Variants in TINAG observed in about 807,000 individuals in gnomAD.
TINAG encodes tubulointerstitial nephritis antigen.
In TINAG, 83 loss-of-function variants were observed where a neutral mutation model predicts 72.7. The ratio of observed to expected loss-of-function variants is 1.14; its 90% CI spans 0.96 to 1.37. The LOEUF (loss-of-function observed/expected upper bound fraction) is 1.37. TINAG is among the 40% of genes most tolerant of loss of function. TINAG has a pLI of 0.00. For synonymous variants in TINAG, 234 were observed against 189.9 expected (o/e 1.23, Z -1.91); for missense variants, 685 against 576.6 (o/e 1.19, Z -1.93).
At chr6:54,321,802 A>C (rs1312149804) in intron 3 of TINAG, among the ~76,000 whole-genome samples, 1 of 152,238 alleles carries the variant, frequency 6.6e-6, no homozygotes, top group Non-Finnish European at 1.5e-5. Context: ...TGATATTCAA[A>C]TAACAAGCCA....
chr6:54,333,223 G>T (rs1022986665), intron 4 of TINAG, among the ~76,000 whole-genome samples: 3 of 152,108 alleles, frequency 2.0e-5, no homozygotes, highest in East Asian at 1.9e-4. Context: ...CAACCCAAAT[G>T]CCCATCAATA....
intron 9 of TINAG, among the ~76,000 whole-genome samples, chr6:54,364,923 T>C (rs942411280): frequency 2.4e-4 from 36 of 151,648 alleles, no homozygotes; most frequent in African/African-American, 8.2e-4. Context: ...TCCAAGATCA[T>C]AAATTATTAT....
intron 9 of TINAG, among the ~76,000 whole-genome samples, chr6:54,362,856 C>T (rs146416586): frequency 2.0e-5 from 3 of 151,156 alleles, no homozygotes; most frequent in African/African-American, 4.9e-5. Context: ...GGGTGGATTT[C>T]GAGACTTTAG....
chr6:54,309,055 T>G (rs1271248906), intron 1 of TINAG, 150 bp downstream of exon 1: 5 of 873,282 alleles, frequency 5.7e-6, no homozygotes, highest in African/African-American at 1.7e-5. Flanking sequence ...TTTGGATTGT[T>G]AAAGTGCTTT....
intron 10 of TINAG, among the ~76,000 whole-genome samples, chr6:54,389,523 T>A (rs2150987794): frequency 6.6e-6 from 1 of 152,322 alleles, no homozygotes. Context: ...CATCTTCTGA[T>A]GTGGCATTTC....
In TINAG at chr6:54,390,076, C is replaced by A; in HGVS notation, c.*151C>A. On this transcript the variant is annotated 3_prime_UTR_variant, in exon 11 of 11. Transcript: ENST00000259782. ...TTCTTATTTTCCCCTCTGGTCTATG[C>A]TTCTGCTTCCTTCATATTACTGAGC... is the stretch of plus-strand genomic sequence containing the variant. The A allele has an allele frequency of 3.0e-6, 3 of 1,000,706 alleles. No homozygotes were observed. The highest frequency in any genetic ancestry group is 1.7e-5 in the South Asian group (1 of 57,664). The allele number at this position is 1,000,706 out of a possible 1,614,324, so 62.0% of individuals were successfully genotyped here. A position where few individuals can be genotyped will look rare whatever the true frequency, so the allele number is the denominator to read the frequency against.
In TINAG at chr6:54,380,481, A is replaced by C. The variant is rs1320882305; in HGVS notation, c.1251-45A>C. 8 of 1,546,244 alleles carry C rather than the reference A, an allele frequency of 5.2e-6. No homozygotes were observed. The South Asian group carries it at 5.8e-5, about 11-fold the overall frequency. On this transcript the variant is annotated intron_variant, in intron 9 of 10. Coordinates refer to ENST00000259782, the MANE Select transcript of TINAG (RefSeq NM_014464.4). Reference sequence around the variant, plus strand: ...TCTGCATTCTCTCAAGAAGCAAACCAAACATTTTAACCATACCAATCTTTA... The same window carrying C: ...TCTGCATTCTCTCAAGAAGCAAACCCAACATTTTAACCATACCAATCTTTA...
Position 54,349,866 on chromosome 6 carries a change from A to ATG in TINAG, c.1052_1053dup (p.Ser352ValfsTer14). Reference sequence around the variant, plus strand: ...TAGAAAAATCTAACAGGATCTATCAATGTTCTCCTCCATACAGAGTCTCTT... The same window carrying ATG: ...TAGAAAAATCTAACAGGATCTATCAATGTGTTCTCCTCCATACAGAGTCTCTT... On this transcript the variant is annotated frameshift_variant, in exon 7 of 11. Transcript: ENST00000259782. LOFTEE classifies it high-confidence loss of function. 1.2e-6 allele frequency: 2 copies of ATG among 1,607,920 alleles called. No homozygotes were observed. The highest frequency in any genetic ancestry group is 1.7e-6 in the Non-Finnish European group (2 of 1,176,222).
At chr6:54,324,208 A>T (rs1784555077) in intron 3 of TINAG, among the ~76,000 whole-genome samples, 1 of 152,192 alleles carries the variant, frequency 6.6e-6, no homozygotes, top group Admixed American at 6.5e-5. Context: ...ATCTTTTCAC[A>T]TCAGCAATTT....
intron 9 of TINAG, among the ~76,000 whole-genome samples, chr6:54,366,167 T>C (rs1247223664): frequency 6.6e-6 from 1 of 151,624 alleles, no homozygotes; most frequent in African/African-American, 2.4e-5. Flanking sequence ...AATAAGAGAC[T>C]GAGAGTGTTA....
At chr6:54,362,925 G>T (rs971836202) in intron 9 of TINAG, among the ~76,000 whole-genome samples, 3 of 151,556 alleles carry the variant, frequency 2.0e-5, no homozygotes, top group Admixed American at 6.6e-5. Context: ...TAGAAGTAGA[G>T]CCTGAAGTTT....
chr6:54,345,587 C>T (rs1785101602), intron 5 of TINAG, among the ~76,000 whole-genome samples: 1 of 152,096 alleles, frequency 6.6e-6, no homozygotes, highest in Admixed American at 6.6e-5. Context: ...CGATTTCTTT[C>T]TAAACCCCTG....
chr6:54,358,637 C>T (rs1763134107), intron 9 of TINAG, among the ~76,000 whole-genome samples: 1 of 151,574 alleles, frequency 6.6e-6, no homozygotes, highest in South Asian at 2.1e-4. Flanking sequence ...CTCATCAGAT[C>T]AACCTTTGCT....
chr6:54,385,000 T>G (rs958717209), intron 10 of TINAG, among the ~76,000 whole-genome samples: 7 of 152,144 alleles, frequency 4.6e-5, no homozygotes, highest in African/African-American at 1.7e-4. Context: ...GATGAAACTT[T>G]TGTTATTTAG....
chr6:54,350,161 T>A (rs1785229954), intron 7 of TINAG, among the ~76,000 whole-genome samples: 1 of 152,106 alleles, frequency 6.6e-6, no homozygotes, highest in Admixed American at 6.6e-5. Context: ...ATAATATGTG[T>A]ATATACATAT....
intron 5 of TINAG, among the ~76,000 whole-genome samples, chr6:54,344,332 C>T (rs1785069615): frequency 6.6e-6 from 1 of 152,128 alleles, no homozygotes; most frequent in Admixed American, 6.6e-5. Context: ...GGTAGCCAAA[C>T]TCACCCCAAG....
chr6:54,320,777 C>A, intron 2 of TINAG, 135 bp downstream of exon 2: 1 of 601,298 alleles, frequency 1.7e-6, no homozygotes, highest in Non-Finnish European at 2.8e-6. Flanking sequence ...ACATCATGTA[C>A]CTGTAACTTT....
At chr6:54,344,325 A>G (rs1785069559) in intron 5 of TINAG, among the ~76,000 whole-genome samples, 1 of 152,168 alleles carries the variant, frequency 6.6e-6, no homozygotes, top group African/African-American at 2.4e-5. Flanking sequence ...TCATAATGGT[A>G]GCCAAACTCA....
chr6:54,321,096 G>T (rs1402057387), intron 2 of TINAG, among the ~76,000 whole-genome samples: 2 of 152,130 alleles, frequency 1.3e-5, no homozygotes, highest in Non-Finnish European at 2.9e-5. Context: ...TTTGTTAATT[G>T]CCTGGAGTAG....
Sources: allele counts gnomAD v4.1 joint callset (sites outside exome capture counted in the v4.1 genomes callset), GRCh38; gene constraint gnomAD v4.1.1; transcripts MANE v1.5; gene names NCBI Gene and HGNC (gene_info 2026-07-23, HGNC 2026-07-21).